The following F8 variants were observed in gnomAD, a reference collection of about 807,000 sequenced individuals.
F8 encodes the protein coagulation factor VIII, also known as antihemophilic factor.
In F8, 12 loss-of-function variants were observed where a neutral mutation model predicts 140.6. That is an observed-to-expected ratio of 0.09 (90% CI 0.05 to 0.14). The LOEUF is 0.14. Among genes scored for constraint, F8 ranks in the 10% least tolerant of loss-of-function variants. The pLI is 1.00. For missense variants in F8, 1,354 were observed against 1,720.7 expected (o/e 0.79, Z 3.77); for synonymous variants, 585 against 614.6 (o/e 0.95, Z 0.71).
chrX:154,841,810 C>T (rs1319640888), intron 25 of F8, among the ~76,000 whole-genome samples: 1 of 111,550 alleles, frequency 9.0e-6, no homozygotes, highest in Non-Finnish European at 1.9e-5. Context: ...CAATTTGGAT[C>T]CATATTGCTA....
intron 1 of F8, among the ~76,000 whole-genome samples, chrX:155,009,072 G>T (rs1045584906): frequency 8.1e-4 from 89 of 109,714 alleles, no homozygotes; most frequent in Non-Finnish European, 1.4e-3. Context: ...AACACAACCA[G>T]TAACATTAAT....
chrX:154,917,237 T>C (rs1557277179), intron 14 of F8, among the ~76,000 whole-genome samples: 2 of 112,157 alleles, frequency 1.8e-5, no homozygotes, highest in Non-Finnish European at 3.8e-5. Context: ...ATAAGAAGAA[T>C]GTATATTCTG....
intron 15 of F8, among the ~76,000 whole-genome samples, 156 bp downstream of exon 15, chrX:154,906,264 A>C (rs1557276335): frequency 8.9e-6 from 1 of 112,253 alleles, no homozygotes; most frequent in Non-Finnish European, 1.9e-5. Context: ...ATACATAAGG[A>C]GAAAAATACA....
At chrX:154,969,283 G>A (rs782759440) in intron 7 of F8, 48 bp downstream of exon 7, 1 of 1,090,561 alleles carries the variant, frequency 9.2e-7, no homozygotes, top group Non-Finnish European at 1.3e-6. Context: ...TTTATTAAAA[G>A]TAGGACTGGA....
Position 154,987,264 on chromosome X carries a change from T to C in F8, c.643A>G (p.Ile215Val), listed in dbSNP as rs201598761. 7.8e-5 allele frequency: 94 copies of C among 1,209,304 alleles called. No individual in the cohort carries two copies. The highest frequency in any genetic ancestry group is 2.3e-4 in the Middle Eastern group (1 of 4,338). ...KEKTQTLHKF[I>V]LLFAVFDEGK... ...TCATCAAATACAGCAAAAAGTAGTA[T>C]AAATTTGTGCAAGGTCTGTGTCTTT... The change falls in exon 5 of 26, where the codon ATA (isoleucine) becomes GTA (valine). Residue 215 changes from isoleucine to valine, a missense_variant. Around this residue, in one of 4 missense-constraint regions of F8, gnomAD observed 128 missense variants for 230.4 expected, o/e 0.56. Transcript: ENST00000360256.
At chrX:154,905,569 A>G (rs1224385937) in intron 15 of F8, among the ~76,000 whole-genome samples, 1 of 112,046 alleles carries the variant, frequency 8.9e-6, no homozygotes, top group Non-Finnish European at 1.9e-5. Context: ...TCAGAAAAAA[A>G]TAAAACTACT....
chrX:154,920,549 C>A (rs2073124778), intron 14 of F8, among the ~76,000 whole-genome samples: 1 of 110,505 alleles, frequency 9.0e-6, no homozygotes, highest in African/African-American at 3.3e-5. Flanking sequence ...CCCCCCCAGG[C>A]TCAAGCAGTC....
intron 3 of F8, 53 bp from the exon 4 acceptor site, chrX:154,993,201 G>A (rs2073598431): frequency 9.8e-7 from 1 of 1,015,769 alleles, no homozygotes; most frequent in East Asian, 3.0e-5. Context: ...TACACTCAAA[G>A]AAACATGTCA....
chrX:154,920,577 T>G (rs1436585634), intron 14 of F8, among the ~76,000 whole-genome samples: 1 of 110,326 alleles, frequency 9.1e-6, no homozygotes, highest in East Asian at 2.8e-4. Flanking sequence ...CTCCACCTCC[T>G]GAGTAGCTGG....
At chrX:154,867,779 CA>C (rs1449906771) in intron 22 of F8, among the ~76,000 whole-genome samples, 2 of 103,340 alleles carry the variant, frequency 1.9e-5, no homozygotes, top group East Asian at 6.1e-4. Flanking sequence ...AACACGGATA[CA>C]AAAATCCTCA....
At chrX:154,893,479 A>T (rs2072959899) in intron 22 of F8, among the ~76,000 whole-genome samples, 1 of 112,387 alleles carries the variant, frequency 8.9e-6, no homozygotes, top group Non-Finnish European at 1.9e-5. Context: ...ATGACCACCA[A>T]TTATTTAACA....
Position 154,928,696 on chromosome X carries a change from A to G in F8, c.5094T>C (p.Ile1698=). ...GGCTCTGATTTTCATCCTCATCATAAATGTCAAAATCTTCCTTCTTCATTT... is the reference window on the plus strand; with the variant it reads ...GGCTCTGATTTTCATCCTCATCATAGATGTCAAAATCTTCCTTCTTCATTT... ...SVEMKKEDFD[I]YDEDENQSPR... Residue 1698 remains isoleucine, a synonymous_variant, in exon 14 of 26, where the codon ATT becomes ATC. Transcript: ENST00000360256. 2.5e-6 allele frequency: 3 copies of G among 1,209,483 alleles called. No homozygotes were observed. The highest frequency in any genetic ancestry group is 3.4e-6 in the Non-Finnish European group (3 of 894,696).
intron 9 of F8, 131 bp from the exon 10 acceptor site, chrX:154,961,299 C>A: frequency 4.3e-6 from 2 of 470,374 alleles, no homozygotes; most frequent in East Asian, 3.8e-5. Flanking sequence ...AGATAAAACT[C>A]AAAATATTTG....
intron 25 of F8, among the ~76,000 whole-genome samples, chrX:154,844,400 A>G (rs781999051): frequency 8.9e-6 from 1 of 111,777 alleles, no homozygotes; most frequent in South Asian, 3.7e-4. Context: ...CATTTTCACA[A>G]TATTGATTCT....
intron 10 of F8, among the ~76,000 whole-genome samples, chrX:154,959,885 G>GT (rs1391320176): frequency 1.8e-5 from 2 of 112,338 alleles, no homozygotes; most frequent in East Asian, 2.8e-4. Context: ...TACAAATGCT[G>GT]TTTTTTAATT....
chrX:154,998,517 AC>A (rs1303787348), intron 2 of F8, among the ~76,000 whole-genome samples: 3 of 112,442 alleles, frequency 2.7e-5, no homozygotes, highest in Non-Finnish European at 1.9e-5. Flanking sequence ...TTCTTAGGGA[AC>A]TTATGAGTTA....
intron 14 of F8, among the ~76,000 whole-genome samples, chrX:154,908,205 T>C (rs2073047911): frequency 8.9e-6 from 1 of 112,408 alleles, no homozygotes; most frequent in Non-Finnish European, 1.9e-5. Context: ...TCCAGCATTT[T>C]ATTGAAACTC....
At chrX:154,938,428 T>A (rs2124065104) in intron 13 of F8, among the ~76,000 whole-genome samples, 1 of 111,691 alleles carries the variant, frequency 9.0e-6, no homozygotes, top group African/African-American at 3.2e-5. Context: ...CCATCAAAAT[T>A]AATTAAAAAT....
intron 22 of F8, among the ~76,000 whole-genome samples, chrX:154,894,453 G>A (rs782189027): frequency 1.8e-5 from 2 of 109,974 alleles, no homozygotes; most frequent in Non-Finnish European, 3.8e-5. Context: ...ACTACAGGCC[G>A]GGTGCCTGTA....
Sources: allele counts gnomAD v4.1 joint callset (sites outside exome capture counted in the v4.1 genomes callset), GRCh38; gene constraint gnomAD v4.1.1; regional missense constraint gnomAD v4.1.1; transcripts MANE v1.5; gene names NCBI Gene and HGNC (gene_info 2026-07-23, HGNC 2026-07-21).